PPFIA1: variants seen among roughly 807,000 people sequenced by gnomAD.
PPFIA1 encodes the protein liprin-alpha-1.
In PPFIA1, 25 loss-of-function variants were observed where a neutral mutation model predicts 149.9. The observed-to-expected ratio is 0.17, with a 90% CI of 0.12 to 0.23. The LOEUF (loss-of-function observed/expected upper bound fraction) is 0.23. Among genes scored for constraint, PPFIA1 ranks in the 10% least tolerant of loss-of-function variants. PPFIA1 has a pLI of 1.00. For missense variants in PPFIA1, 1,362 were observed against 1,506.5 expected, an observed-to-expected ratio of 0.90 and a Z score of 1.59; for synonymous variants, 549 against 552.8, an observed-to-expected ratio of 0.99 and a Z score of 0.10.
chr11:70,274,822 G>A (rs548558800), intron 2 of PPFIA1, among the ~76,000 whole-genome samples: 4 of 151,986 alleles, frequency 2.6e-5, no homozygotes, highest in Non-Finnish European at 5.9e-5. Context: ...AGGTTGAAGC[G>A]ATTCTCCTGC....
intron 2 of PPFIA1, among the ~76,000 whole-genome samples, chr11:70,286,114 C>G (rs539860644): frequency 6.6e-5 from 10 of 152,310 alleles, no homozygotes; most frequent in African/African-American, 2.4e-4. Flanking sequence ...TCGCAGGTGC[C>G]TTACCTGACT....
At chr11:70,352,998 A>G (rs2056161226) in intron 16 of PPFIA1, among the ~76,000 whole-genome samples, 1 of 152,198 alleles carries the variant, frequency 6.6e-6, no homozygotes, top group African/African-American at 2.4e-5. Flanking sequence ...CTTAAGCTTC[A>G]TATTGATAAT....
At chr11:70,320,598 C>A (rs1018243377) in intron 2 of PPFIA1, among the ~76,000 whole-genome samples, 1 of 151,402 alleles carries the variant, frequency 6.6e-6, no homozygotes, top group Admixed American at 6.6e-5. Flanking sequence ...CCACCATGCC[C>A]GGCTAATTTT....
chr11:70,311,288 G>A (rs2053256983), intron 2 of PPFIA1, among the ~76,000 whole-genome samples: 1 of 150,124 alleles, frequency 6.7e-6, no homozygotes, highest in Non-Finnish European at 1.5e-5. Flanking sequence ...AGCCTGGACA[G>A]CAAGAGTGAA....
intron 26 of PPFIA1, chr11:70,378,405 T>A: frequency 7.8e-7 from 1 of 1,286,366 alleles, no homozygotes; most frequent in Non-Finnish European, 9.8e-7. Flanking sequence ...AACACGCTTG[T>A]CTGGTTGAAT....
At chr11:70,326,916 A>C (rs542958297) in intron 7 of PPFIA1, 98 bp downstream of exon 7, 2 of 966,552 alleles carry the variant, frequency 2.1e-6, no homozygotes, top group African/African-American at 1.6e-5. Flanking sequence ...TTACTCTCCC[A>C]ATTACTTTCA....
rs1341245567 is a variant in PPFIA1, at chr11:70,333,570, G to A, written c.1296+17G>A. On this transcript the variant is annotated intron_variant, in intron 10 of 27. Coordinates refer to ENST00000253925, the MANE Select transcript of PPFIA1 (RefSeq NM_003626.5). ...CTGCAGCGGGTGAGCATGCAGCCCT[G>A]AGGGTGGGGGCGCTGAGTGGGTGCT... The A allele has an allele frequency of 1.3e-6, 2 of 1,598,806 alleles. No individual in the cohort carries two copies. Among genetic ancestry groups the A allele is most frequent in the Admixed American group, 1.7e-5 (1 of 58,340 alleles).
At chr11:70,330,382 T>C in intron 8 of PPFIA1, 63 bp downstream of exon 8, 1 of 1,361,470 alleles carries the variant, frequency 7.3e-7, no homozygotes, top group Non-Finnish European at 9.9e-7. Flanking sequence ...AAAGACCCTT[T>C]TTCTCTCACT....
intron 19 of PPFIA1, 31 bp from the exon 20 acceptor site, chr11:70,362,064 T>G (rs2056683654): frequency 6.2e-7 from 1 of 1,601,888 alleles, no homozygotes; most frequent in Admixed American, 1.7e-5. Flanking sequence ...CCTGGCTGAT[T>G]CTTTAATTTT....
chr11:70,356,181 A>G lies in PPFIA1; in HGVS notation c.2509A>G (p.Asn837Asp). The G allele has an allele frequency of 1.1e-5, 17 of 1,614,132 alleles. No homozygotes were observed. Among genetic ancestry groups the G allele is most frequent in the Non-Finnish European group, 1.4e-5 (17 of 1,179,994 alleles). The change falls in exon 19 of 28, where the codon AAC (asparagine) becomes GAC (aspartate). Residue 837 changes from asparagine to aspartate, a missense_variant. This residue lies in a region of PPFIA1 where 91 missense variants were observed against 91.2 expected (regional missense o/e 1.00). Coordinates refer to ENST00000253925, the MANE Select transcript of PPFIA1 (RefSeq NM_003626.5). ...CACAGCTGGTGTTTCCGAGACGGAT[A>G]ACTCATCTCAGGATGCCTTGGGACT... ...LGQAGVSETD[N>D]SSQDALGLSK... is the part of the protein sequence containing the mutation.
intron 8 of PPFIA1, among the ~76,000 whole-genome samples, chr11:70,330,924 G>A (rs181219104): frequency 6.9e-4 from 103 of 148,826 alleles, no homozygotes; most frequent in Non-Finnish European, 1.2e-3. Flanking sequence ...GCCACAGAAC[G>A]AGACCCCGTC....
At position 70,362,415 on chromosome 11, in the gene PPFIA1, G is replaced by C. The variant is rs141190011; in HGVS notation, c.2792G>C (p.Arg931Thr). The C allele has an allele frequency of 1.9e-6, 3 of 1,614,196 alleles. No individual in the cohort carries two copies. The highest frequency in any genetic ancestry group is 2.5e-6 in the Non-Finnish European group (3 of 1,180,042). The change falls in exon 21 of 28, where the codon AGG becomes ACG. Residue 931 changes from arginine (R) to threonine (T), a missense_variant. Arg to Thr is a moderately conservative substitution (Grantham distance 71). Around this residue, in one of 7 missense-constraint regions of PPFIA1, gnomAD observed 349 missense variants for 373.3 expected, o/e 0.93. Transcript: ENST00000253925. Reference protein sequence around the residue: ...REIGISNPLHRLKLRLAIQEI... With the variant: ...REIGISNPLHTLKLRLAIQEI... The stretch of plus-strand genomic sequence containing the variant: ...ATTGGCATCAGCAACCCCCTGCACA[G>C]GCTGAAGCTGAGGCTGGCCATCCAG...
Position 70,330,190 on chromosome 11 carries a change from A to T in PPFIA1, c.948A>T (p.Glu316Asp). The T allele has an allele frequency of 6.3e-7, 1 of 1,596,956 alleles. No homozygotes were observed. The highest frequency in any genetic ancestry group is 8.5e-7 in the Non-Finnish European group (1 of 1,174,042). The change falls in exon 8 of 28, where the codon GAA becomes GAT. Residue 316 changes from glutamate (E) to aspartate (D), a missense_variant. Glu to Asp is a conservative substitution (Grantham distance 45, BLOSUM62 2). Around this residue, in one of 7 missense-constraint regions of PPFIA1, gnomAD observed 733 missense variants for 744.1 expected, o/e 0.99. Transcript: ENST00000253925. Reference protein sequence around the residue: ...RDVREAMAQKEDMEERITTLE... With the variant: ...RDVREAMAQKDDMEERITTLE... ...TAATTTAGGCCATGGCCCAAAAGGAAGATATGGAAGAGAGAATCACTACTC... is the reference window on the plus strand; with the variant it reads ...TAATTTAGGCCATGGCCCAAAAGGATGATATGGAAGAGAGAATCACTACTC...
At chr11:70,331,430 G>C (rs1346568583) in intron 8 of PPFIA1, among the ~76,000 whole-genome samples, 3 of 151,998 alleles carry the variant, frequency 2.0e-5, no homozygotes, top group Non-Finnish European at 2.9e-5. Context: ...GACAAGAGGT[G>C]TTTTGCACAT....
At chr11:70,297,951 T>G (rs1215937467) in intron 2 of PPFIA1, among the ~76,000 whole-genome samples, 1 of 152,204 alleles carries the variant, frequency 6.6e-6, no homozygotes, top group African/African-American at 2.4e-5. Flanking sequence ...GATAAAACCC[T>G]TGACAGCTGT....
At chr11:70,315,330 T>TTA (rs1215150595) in intron 2 of PPFIA1, among the ~76,000 whole-genome samples, 1 of 152,140 alleles carries the variant, frequency 6.6e-6, no homozygotes, top group African/African-American at 2.4e-5. Flanking sequence ...GTGGTCTTCT[T>TTA]TTCTAGTGTC....
At chr11:70,346,309 G>C (rs990896472) in intron 15 of PPFIA1, among the ~76,000 whole-genome samples, 2 of 152,152 alleles carry the variant, frequency 1.3e-5, no homozygotes, top group Non-Finnish European at 2.9e-5. Context: ...TGGGTGGGGT[G>C]CTGCCACGAC....
intron 15 of PPFIA1, 125 bp from the exon 16 acceptor site, chr11:70,348,064 T>G: frequency 1.4e-6 from 1 of 713,900 alleles, no homozygotes; most frequent in Non-Finnish European, 2.3e-6. Context: ...AAGTGTTCAT[T>G]GTTTGAGCAG....
chr11:70,295,308 G>T (rs1474258750), intron 2 of PPFIA1, among the ~76,000 whole-genome samples: 1 of 140,312 alleles, frequency 7.1e-6, no homozygotes, highest in Non-Finnish European at 1.6e-5. Flanking sequence ...CCTCCCGGAT[G>T]GGGCGGCTGG....
Sources: gnomAD v4.1 joint callset for allele counts (sites outside exome capture counted in the v4.1 genomes callset) on GRCh38, gnomAD v4.1.1 for gene constraint, gnomAD v4.1.1 regional missense constraint, MANE v1.5 for transcripts, NCBI Gene and HGNC (gene_info 2026-07-23, HGNC 2026-07-21) for gene names.